Variants in KAT2B observed in about 807,000 individuals in gnomAD.
KAT2B encodes histone acetyltransferase KAT2B.
KAT2B carries 36 observed loss-of-function variants against 105.9 expected under a neutral mutation model. The ratio of observed to expected loss-of-function variants is 0.34; its 90% CI spans 0.26 to 0.45. KAT2B has a LOEUF of 0.45. KAT2B is among the 20% of genes least tolerant of loss of function. The pLI is 1.00. For synonymous variants in KAT2B, 397 were observed against 377.9 expected (o/e 1.05, Z -0.59); for missense variants, 820 against 1,021.6 (o/e 0.80, Z 2.69).
intron 2 of KAT2B, among the ~76,000 whole-genome samples, chr3:20,092,335 C>A (rs1698734496): frequency 6.6e-6 from 1 of 151,394 alleles, no homozygotes; most frequent in African/African-American, 2.4e-5. Flanking sequence ...TTCAAGTGAT[C>A]CTCTCCCATC....
At chr3:20,096,526 C>T (rs1231732470) in intron 3 of KAT2B, among the ~76,000 whole-genome samples, 1 of 152,188 alleles carries the variant, frequency 6.6e-6, no homozygotes, top group African/African-American at 2.4e-5. Flanking sequence ...GTAACCCTTA[C>T]AAGGATGTTG....
intron 1 of KAT2B, among the ~76,000 whole-genome samples, chr3:20,058,920 T>A (rs895934656): frequency 2.0e-5 from 3 of 152,150 alleles, no homozygotes; most frequent in Non-Finnish European, 2.9e-5. Context: ...AAATGTAGAA[T>A]CTCAGGTTCC....
chr3:20,093,247 A>C (rs767356489), intron 2 of KAT2B, among the ~76,000 whole-genome samples: 4 of 152,226 alleles, frequency 2.6e-5, no homozygotes, highest in Non-Finnish European at 5.9e-5. Context: ...AGAGTGAATT[A>C]CTAAGCCAGC....
At chr3:20,088,119 C>G (rs71316246) in intron 2 of KAT2B, among the ~76,000 whole-genome samples, 16,796 of 152,190 alleles carry the variant, frequency 0.11, 1,173 homozygotes, top group Admixed American at 0.16. Flanking sequence ...TGATTGTGTT[C>G]ATATACTACA....
intron 1 of KAT2B, among the ~76,000 whole-genome samples, chr3:20,065,408 T>C (rs983805873): frequency 9.9e-5 from 15 of 151,994 alleles, no homozygotes; most frequent in Non-Finnish European, 1.5e-5. Context: ...AGGAGAGACA[T>C]GGGAAAGGTG....
chr3:20,144,602 C>CTTTT (rs200001128), intron 13 of KAT2B, among the ~76,000 whole-genome samples: 8 of 143,108 alleles, frequency 5.6e-5, no homozygotes, highest in East Asian at 2.0e-4. Flanking sequence ...TTTCTTTTTT[C>CTTTT]TTTTTTTTTT....
At chr3:20,053,467 C>T (rs1365124040) in intron 1 of KAT2B, among the ~76,000 whole-genome samples, 2 of 152,088 alleles carry the variant, frequency 1.3e-5, no homozygotes, top group Admixed American at 6.6e-5. Context: ...TCCAGGAGGT[C>T]GAGGCTGTGG....
chr3:20,130,678 TC>T (rs201390030), intron 11 of KAT2B, among the ~76,000 whole-genome samples: 3 of 151,946 alleles, frequency 2.0e-5, no homozygotes, highest in Admixed American at 6.6e-5. Flanking sequence ...GAAAGGCAAT[TC>T]CCCCCCATAA....
intron 2 of KAT2B, among the ~76,000 whole-genome samples, chr3:20,073,934 G>A (rs1339834658): frequency 6.6e-6 from 1 of 152,202 alleles, no homozygotes; most frequent in Non-Finnish European, 1.5e-5. Flanking sequence ...TCTTAGCCGA[G>A]CAGATTGTCT....
intron 1 of KAT2B, among the ~76,000 whole-genome samples, chr3:20,056,963 G>A (rs1241287546): frequency 1.3e-5 from 2 of 152,162 alleles, no homozygotes; most frequent in African/African-American, 4.8e-5. Flanking sequence ...AATGCTTGAC[G>A]TTCTTAAGTG....
rs116034085 is a variant in KAT2B at position 20,093,576 on chromosome 3, G to C, written c.431-1687G>C. On this transcript the variant is annotated intron_variant, in intron 2 of 17. Transcript: ENST00000263754. Reference sequence around the variant, plus strand: ...TGACTGAGCATTGTGGTTCAATGGTGAGCGCATCATGGTCTCCAGAGTAGA... The same window carrying C: ...TGACTGAGCATTGTGGTTCAATGGTCAGCGCATCATGGTCTCCAGAGTAGA... Among the ~76,000 whole-genome samples, 189 of 152,308 alleles carry C rather than the reference G, an allele frequency of 1.2e-3. 1 individual carries two copies. The highest frequency in any genetic ancestry group is 2.4e-3 in the Non-Finnish European group (162 of 68,026).
intron 9 of KAT2B, among the ~76,000 whole-genome samples, chr3:20,125,123 C>G (rs1041105735): frequency 6.6e-6 from 1 of 151,970 alleles, no homozygotes; most frequent in African/African-American, 2.4e-5. Flanking sequence ...GAGATCGAGA[C>G]CATCTTGGCT....
chr3:20,116,894 A>G (rs1699216694), intron 7 of KAT2B, among the ~76,000 whole-genome samples: 1 of 152,212 alleles, frequency 6.6e-6, no homozygotes, highest in South Asian at 2.1e-4. Context: ...TAATTCCTAA[A>G]TATTACACTG....
At chr3:20,139,779 C>T (rs941849450) in intron 12 of KAT2B, among the ~76,000 whole-genome samples, 1 of 147,824 alleles carries the variant, frequency 6.8e-6, no homozygotes, top group African/African-American at 2.6e-5. Context: ...TCCTCAGAAA[C>T]ATTAAGTTTC....
intron 2 of KAT2B, among the ~76,000 whole-genome samples, chr3:20,078,451 C>T (rs1357428885): frequency 2.6e-5 from 4 of 152,052 alleles, no homozygotes; most frequent in South Asian, 2.1e-4. Context: ...CAGCTTACTG[C>T]AACCTCCCCC....
intron 1 of KAT2B, among the ~76,000 whole-genome samples, chr3:20,045,341 T>G (rs559115801): frequency 1.1e-4 from 16 of 148,824 alleles, no homozygotes; most frequent in African/African-American, 3.7e-4. Flanking sequence ...ATTTATTTAT[T>G]TATTTATTTA....
At chr3:20,051,224 A>C (rs1284855677) in intron 1 of KAT2B, among the ~76,000 whole-genome samples, 6 of 151,364 alleles carry the variant, frequency 4.0e-5, no homozygotes, top group Admixed American at 2.0e-4. Context: ...ACCCAAACAA[A>C]AAAAACAAAT....
intron 6 of KAT2B, among the ~76,000 whole-genome samples, chr3:20,114,078 C>T (rs577678898): frequency 6.6e-6 from 1 of 152,160 alleles, no homozygotes; most frequent in African/African-American, 2.4e-5. Context: ...TTTCTTTTCT[C>T]TTTTTTTCTC....
intron 1 of KAT2B, among the ~76,000 whole-genome samples, chr3:20,063,221 C>T (rs995177008): frequency 6.6e-6 from 1 of 152,012 alleles, no homozygotes; most frequent in African/African-American, 2.4e-5. Context: ...GCGTGCACCA[C>T]TATGTCCAGC....
Sources: allele counts gnomAD v4.1 joint callset (sites outside exome capture counted in the v4.1 genomes callset), GRCh38; gene constraint gnomAD v4.1.1; transcripts MANE v1.5; gene names NCBI Gene and HGNC (gene_info 2026-07-23, HGNC 2026-07-21).